The following NR5A2 variants were observed in gnomAD, a reference collection of about 807,000 sequenced individuals.
The protein encoded by NR5A2 is nuclear receptor subfamily 5 group A member 2.
In NR5A2, 26 loss-of-function variants were observed where a neutral mutation model predicts 62.7. The observed-to-expected ratio is 0.41, with a 90% CI of 0.30 to 0.58. NR5A2 has a LOEUF of 0.58. Ranked by LOEUF, NR5A2 falls within the 20% of genes least tolerant of loss-of-function variation. The probability of loss-of-function intolerance (pLI) is 0.22; values close to 1 mark genes in which losing one functional copy is unlikely to be tolerated. For missense variants in NR5A2, 541 were observed against 669.1 expected, an observed-to-expected ratio of 0.81 and a Z score of 2.11; for synonymous variants, 246 against 241.7, an observed-to-expected ratio of 1.02 and a Z score of -0.16.
At chr1:200,129,587 G>C (rs1666873044) in intron 7 of NR5A2, among the ~76,000 whole-genome samples, 1 of 152,192 alleles carries the variant, frequency 6.6e-6, no homozygotes, top group Admixed American at 6.5e-5. Context: ...ACCATGCATA[G>C]CCTCTTCACC....
intron 5 of NR5A2, among the ~76,000 whole-genome samples, chr1:200,076,658 T>A (rs1479163639): frequency 6.6e-6 from 1 of 152,220 alleles, no homozygotes; most frequent in African/African-American, 2.4e-5. Flanking sequence ...CAAAAGCAGC[T>A]GACATCTTTT....
intron 7 of NR5A2, among the ~76,000 whole-genome samples, chr1:200,156,657 A>G (rs186615304): frequency 6.6e-6 from 1 of 151,904 alleles, no homozygotes; most frequent in Non-Finnish European, 1.5e-5. Flanking sequence ...TCGGCCTCCC[A>G]AAGTGCTGGG....
At chr1:200,101,712 A>T (rs942793685) in intron 5 of NR5A2, among the ~76,000 whole-genome samples, 1 of 152,230 alleles carries the variant, frequency 6.6e-6, no homozygotes, top group African/African-American at 2.4e-5. Flanking sequence ...ATATGTGGCT[A>T]TATATGGAAA....
intron 5 of NR5A2, among the ~76,000 whole-genome samples, chr1:200,091,411 G>T (rs1422468370): frequency 6.6e-6 from 1 of 151,778 alleles, no homozygotes; most frequent in African/African-American, 2.4e-5. Flanking sequence ...ACACTGATCT[G>T]CTGGCCACTG....
intron 1 of NR5A2, among the ~76,000 whole-genome samples, chr1:200,033,703 C>T (rs1052420408): frequency 6.6e-6 from 1 of 152,224 alleles, no homozygotes; most frequent in Non-Finnish European, 1.5e-5. Flanking sequence ...ACACTGTACA[C>T]CATCTCGTAA....
intron 7 of NR5A2, among the ~76,000 whole-genome samples, chr1:200,163,278 A>AG (rs1653730227): frequency 2.6e-5 from 4 of 150,990 alleles, no homozygotes; most frequent in African/African-American, 9.7e-5. Context: ...AAAAAAAAAA[A>AG]AAGAAGAAGA....
At chr1:200,042,892 C>G (rs1662178874) in intron 2 of NR5A2, 3 of 985,370 alleles carry the variant, frequency 3.0e-6, no homozygotes, top group East Asian at 2.3e-4. Context: ...GGCGGTTACC[C>G]GATCCCGGCA....
At chr1:200,143,158 A>G (rs1159735354) in intron 7 of NR5A2, among the ~76,000 whole-genome samples, 2 of 152,058 alleles carry the variant, frequency 1.3e-5, no homozygotes, top group Admixed American at 1.3e-4. Flanking sequence ...TTTCTTTGCT[A>G]CACACACTGT....
chr1:200,076,136 C>T (rs1454188360), intron 5 of NR5A2, among the ~76,000 whole-genome samples: 2 of 152,092 alleles, frequency 1.3e-5, no homozygotes, highest in East Asian at 3.8e-4. Context: ...AGTAGTCTTC[C>T]GCATGGTTTA....
chr1:200,063,719 C>T (rs573110662), intron 5 of NR5A2, among the ~76,000 whole-genome samples: 1 of 152,286 alleles, frequency 6.6e-6, no homozygotes, highest in Admixed American at 6.5e-5. Flanking sequence ...CTTAAAGCTG[C>T]CCCTAAAACA....
intron 7 of NR5A2, among the ~76,000 whole-genome samples, chr1:200,127,145 C>G (rs1432203716): frequency 6.6e-6 from 1 of 152,124 alleles, no homozygotes; most frequent in African/African-American, 2.4e-5. Flanking sequence ...AGGTTCAGAT[C>G]CAGGTCTAGA....
intron 7 of NR5A2, among the ~76,000 whole-genome samples, chr1:200,168,399 G>A (rs1654011016): frequency 6.6e-6 from 1 of 151,852 alleles, no homozygotes; most frequent in African/African-American, 2.4e-5. Flanking sequence ...ATTTTTAGGG[G>A]GAGACAAGGG....
chr1:200,144,322 G>A (rs970203549), intron 7 of NR5A2, among the ~76,000 whole-genome samples: 13 of 151,396 alleles, frequency 8.6e-5, no homozygotes, highest in African/African-American at 2.4e-4. Context: ...GTGGGTCTCC[G>A]GTCTGCCTTT....
At chr1:200,090,423 G>A (rs555191401) in intron 5 of NR5A2, among the ~76,000 whole-genome samples, 2 of 152,320 alleles carry the variant, frequency 1.3e-5, no homozygotes, top group East Asian at 3.9e-4. Context: ...TGTCACCAGA[G>A]TGATGATGTC....
chr1:200,096,070 C>A (rs1207409864), intron 5 of NR5A2, among the ~76,000 whole-genome samples: 2 of 151,966 alleles, frequency 1.3e-5, no homozygotes, highest in African/African-American at 4.8e-5. Context: ...TCAATCTACA[C>A]CCATACCACA....
intron 7 of NR5A2, among the ~76,000 whole-genome samples, chr1:200,169,445 T>A (rs1411668390): frequency 6.6e-6 from 1 of 152,152 alleles, no homozygotes. Context: ...ACAAGGTTTA[T>A]AGGCTGCACC....
At chr1:200,141,031 TAAACAAACAAAC>T (rs140408927) in intron 7 of NR5A2, among the ~76,000 whole-genome samples, 5 of 151,378 alleles carry the variant, frequency 3.3e-5, no homozygotes, top group African/African-American at 1.2e-4. Context: ...ACTCCATCTC[TAAACAAACAAAC>T]AAACAAACAA....
In NR5A2 at chr1:200,052,821, T is replaced by C. The variant is rs186460733; in HGVS notation, c.1110+4003T>C. ...CACGCCGGCTAATTTTTTGTATTTT[T>C]AGTAGAGACGGTGTTTCACCGTGTT... On this transcript the variant is annotated intron_variant, in intron 5 of 7. Coordinates refer to ENST00000367362, the MANE Select transcript of NR5A2 (RefSeq NM_205860.3). Among the ~76,000 whole-genome samples, 589 of 152,250 alleles carry C rather than the reference T, an allele frequency of 3.9e-3. 2 individuals carry two copies. Among genetic ancestry groups the C allele is most frequent in the African/African-American group, 0.012 (510 of 41,548 alleles).
At chr1:200,144,229 T>A (rs371091665) in intron 7 of NR5A2, among the ~76,000 whole-genome samples, 30,384 of 126,400 alleles carry the variant, frequency 0.24, 3,652 homozygotes, top group Admixed American at 0.3. Context: ...TCTCTCTCTC[T>A]CTCTCACACA....
Sources: allele counts gnomAD v4.1 joint callset (sites outside exome capture counted in the v4.1 genomes callset), GRCh38; gene constraint gnomAD v4.1.1; transcripts MANE v1.5; gene names NCBI Gene and HGNC (gene_info 2026-07-23, HGNC 2026-07-21).